The following SH3RF3 variants were observed in gnomAD, a reference collection of about 807,000 sequenced individuals.
The protein encoded by SH3RF3 is SH3 domain containing ring finger 3.
A neutral mutation model predicts 66.3 loss-of-function variants in SH3RF3; 29 were observed. The observed-to-expected ratio is 0.44, with a 90% CI of 0.33 to 0.60. SH3RF3 has a LOEUF of 0.60. SH3RF3 is among the 20% of genes least tolerant of loss of function. The pLI, the probability that SH3RF3 is intolerant of heterozygous loss-of-function variation, is 0.04. For missense variants in SH3RF3, 1,194 were observed against 1,190.9 expected, an observed-to-expected ratio of 1.00 and a Z score of -0.04; for synonymous variants, 583 against 532.0, an observed-to-expected ratio of 1.10 and a Z score of -1.32.
At chr2:109,152,341 C>T (rs1197843502) in intron 1 of SH3RF3, among the ~76,000 whole-genome samples, 1 of 152,156 alleles carries the variant, frequency 6.6e-6, no homozygotes, top group Non-Finnish European at 1.5e-5. Flanking sequence ...CTGCCCTTTC[C>T]CTGGTGCATT....
At chr2:109,437,256 G>A in intron 7 of SH3RF3, 110 bp downstream of exon 7, 1 of 1,434,886 alleles carries the variant, frequency 7.0e-7, no homozygotes, top group Non-Finnish European at 9.2e-7. Context: ...TGTGGCTGGT[G>A]GCAGCTTCAT....
At chr2:109,386,316 T>TG (rs1675822102) in intron 3 of SH3RF3, among the ~76,000 whole-genome samples, 1 of 152,106 alleles carries the variant, frequency 6.6e-6, no homozygotes, top group South Asian at 2.1e-4. Flanking sequence ...TGACATTGTG[T>TG]GGCTTCTGCA....
At chr2:109,155,401 C>T (rs1254700192) in intron 1 of SH3RF3, among the ~76,000 whole-genome samples, 1 of 152,110 alleles carries the variant, frequency 6.6e-6, no homozygotes, top group Non-Finnish European at 1.5e-5. Flanking sequence ...CCTGAGTTCA[C>T]CTGCCATTCT....
intron 3 of SH3RF3, among the ~76,000 whole-genome samples, chr2:109,373,751 G>C (rs1006629200): frequency 6.6e-6 from 1 of 152,174 alleles, no homozygotes; most frequent in Admixed American, 6.5e-5. Context: ...GTCCAGTTAA[G>C]CTTTACACAC....
At chr2:109,194,635 C>A (rs1362555444) in intron 1 of SH3RF3, among the ~76,000 whole-genome samples, 1 of 152,214 alleles carries the variant, frequency 6.6e-6, no homozygotes, top group Admixed American at 6.5e-5. Context: ...GTATCTTCTG[C>A]ATATACAGGA....
At chr2:109,478,016 C>G (rs993765507) in intron 8 of SH3RF3, among the ~76,000 whole-genome samples, 1 of 152,216 alleles carries the variant, frequency 6.6e-6, no homozygotes, top group Non-Finnish European at 1.5e-5. Flanking sequence ...TGAAATATTA[C>G]TGGAATGATT....
chr2:109,185,255 C>A (rs931836700), intron 1 of SH3RF3, among the ~76,000 whole-genome samples: 3 of 152,192 alleles, frequency 2.0e-5, no homozygotes, highest in African/African-American at 7.2e-5. Context: ...GACATGTTAT[C>A]AGGTAAGGCA....
chr2:109,419,701 G>C, intron 5 of SH3RF3, 59 bp downstream of exon 5: 1 of 1,498,998 alleles, frequency 6.7e-7, no homozygotes, highest in Non-Finnish European at 9.0e-7. Flanking sequence ...TCCTGCCTGG[G>C]CTGACCTGTC....
chr2:109,400,290 C>T (rs1676271274), intron 4 of SH3RF3, among the ~76,000 whole-genome samples: 1 of 152,068 alleles, frequency 6.6e-6, no homozygotes, highest in South Asian at 2.1e-4. Flanking sequence ...CACTCCCACG[C>T]ACATGTGCAC....
At chr2:109,419,448 G>A (rs1229402677) in intron 4 of SH3RF3, 91 bp from the exon 5 acceptor site, 8 of 1,317,886 alleles carry the variant, frequency 6.1e-6, no homozygotes, top group East Asian at 2.5e-5. Context: ...CGAAGCACAG[G>A]CACCTGTGGA....
At chr2:109,200,340 C>T (rs1156848201) in intron 1 of SH3RF3, among the ~76,000 whole-genome samples, 1 of 152,162 alleles carries the variant, frequency 6.6e-6, no homozygotes, top group East Asian at 1.9e-4. Flanking sequence ...CTAGCAGCCT[C>T]CTTTCCATAG....
At chr2:109,487,314 C>G (rs1334264477) in intron 8 of SH3RF3, among the ~76,000 whole-genome samples, 2 of 152,208 alleles carry the variant, frequency 1.3e-5, no homozygotes, top group Non-Finnish European at 2.9e-5. Flanking sequence ...ATTGGCTATT[C>G]TTTCCTGCCT....
chr2:109,387,106 G>A lies in SH3RF3; in HGVS notation c.946-11484G>A, dbSNP rs146252244. ...GTGTAGAGAAAGAACGAGGTGAAAC[G>A]TTGTTAGCATATTGTTCTGTTTCTT... On this transcript the variant is annotated intron_variant, in intron 3 of 9. Transcript: ENST00000309415. Among the ~76,000 whole-genome samples, 476 of 152,256 alleles carry A rather than the reference G, an allele frequency of 3.1e-3. 1 individual carries two copies. The highest frequency in any genetic ancestry group is 0.011 in the African/African-American group (461 of 41,536).
At chr2:109,400,572 T>TACACAC (rs1553516945) in intron 4 of SH3RF3, among the ~76,000 whole-genome samples, 1 of 111,388 alleles carries the variant, frequency 9.0e-6, no homozygotes, top group Non-Finnish European at 2.2e-5. Flanking sequence ...TACACACCTG[T>TACACAC]GCGCACACAC....
rs189983517 is a variant in SH3RF3, at chr2:109,278,330, G to C, written c.574-69344G>C. On this transcript the variant is annotated intron_variant, in intron 1 of 9. Coordinates refer to ENST00000309415, the MANE Select transcript of SH3RF3 (RefSeq NM_001099289.3). ...CACACATAGCAGCAGGCTGGTGCCCGTAATGGGGGTGGGCCCAGGGGCATC... is the reference window on the plus strand; with the variant it reads ...CACACATAGCAGCAGGCTGGTGCCCCTAATGGGGGTGGGCCCAGGGGCATC... Among the ~76,000 whole-genome samples the C allele has an allele frequency of 5.7e-4, 87 of 152,324 alleles. 1 individual carries two copies. The highest frequency in any genetic ancestry group is 1.7e-3 in the African/African-American group (71 of 41,570).
chr2:109,339,187 G>A (rs1250066347), intron 1 of SH3RF3, among the ~76,000 whole-genome samples: 1 of 151,508 alleles, frequency 6.6e-6, no homozygotes, highest in African/African-American at 2.4e-5. Flanking sequence ...AGAGAAGGGA[G>A]GCACACTCGG....
chr2:109,151,611 A>G (rs1326188804), intron 1 of SH3RF3, among the ~76,000 whole-genome samples: 1 of 152,242 alleles, frequency 6.6e-6, no homozygotes, highest in Non-Finnish European at 1.5e-5. Context: ...CCTTTCATCC[A>G]TGCTGAGCCT....
chr2:109,405,229 C>A (rs1407334343), intron 4 of SH3RF3, among the ~76,000 whole-genome samples: 2 of 152,198 alleles, frequency 1.3e-5, no homozygotes, highest in Non-Finnish European at 2.9e-5. Context: ...CCAGGAGCAA[C>A]CGATGACACC....
intron 1 of SH3RF3, among the ~76,000 whole-genome samples, chr2:109,155,504 T>A (rs1313055184): frequency 6.6e-6 from 1 of 152,154 alleles, no homozygotes; most frequent in Non-Finnish European, 1.5e-5. Flanking sequence ...GGTTTCACGG[T>A]GTTAGCCAGG....
Sources: allele counts gnomAD v4.1 joint callset (sites outside exome capture counted in the v4.1 genomes callset), GRCh38; gene constraint gnomAD v4.1.1; transcripts MANE v1.5; gene names NCBI Gene and HGNC (gene_info 2026-07-23, HGNC 2026-07-21).